EYS: variants seen among roughly 807,000 people sequenced by gnomAD.
EYS encodes the protein EGF-like photoreceptor maintenance factor.
EYS carries 250 observed loss-of-function variants against 282.1 expected under a neutral mutation model. The observed-to-expected ratio is 0.89, with a 90% CI of 0.80 to 0.98. The LOEUF (loss-of-function observed/expected upper bound fraction) is 0.98, where lower values mean the gene tolerates loss of function less well. EYS is among the 50% of genes least tolerant of loss of function. EYS has a pLI of 0.00. For missense variants in EYS, 4,016 were observed against 3,709.0 expected (o/e 1.08, Z -2.15); for synonymous variants, 1,355 against 1,282.9 (o/e 1.06, Z -1.20).
At chr6:63,974,541 T>G (rs896653566) in intron 35 of EYS, among the ~76,000 whole-genome samples, 7 of 151,998 alleles carry the variant, frequency 4.6e-5, no homozygotes, top group Admixed American at 4.6e-4. Context: ...GAGTTCTCCA[T>G]GTATTATTAC....
Position 64,487,809 on chromosome 6 carries a change from G to C in EYS, c.5645-48457C>G, listed in dbSNP as rs116200582. ...TAATTTATATCAATACCTATTATTT[G>C]AGTATTTACTATGTGTTAGTGCTAG... On this transcript the variant is annotated intron_variant, in intron 26 of 42. Coordinates refer to ENST00000503581, the MANE Select transcript of EYS (RefSeq NM_001142800.2). Among the ~76,000 whole-genome samples the C allele has an allele frequency of 8.7e-3, 1,308 of 150,982 alleles. 7 individuals are homozygous for C. Among genetic ancestry groups the C allele is most frequent in the Non-Finnish European group, 0.015 (982 of 67,248 alleles).
chr6:64,894,849 C>T (rs778598442), intron 18 of EYS, among the ~76,000 whole-genome samples: 1 of 152,174 alleles, frequency 6.6e-6, no homozygotes, highest in Admixed American at 6.6e-5. Flanking sequence ...TCAGGTGAGG[C>T]CACAAATACA....
At chr6:64,702,595 A>G (rs1770830267) in intron 22 of EYS, among the ~76,000 whole-genome samples, 2 of 152,150 alleles carry the variant, frequency 1.3e-5, no homozygotes, top group Admixed American at 6.5e-5. Flanking sequence ...TCTGTTAATA[A>G]GTTCTCCTGT....
chr6:63,748,687 ATTCAGGTTCT>A (rs1178626435), intron 41 of EYS, among the ~76,000 whole-genome samples: 1 of 151,734 alleles, frequency 6.6e-6, no homozygotes, highest in Non-Finnish European at 1.5e-5. Flanking sequence ...CTTTTCAGGG[ATTCAGGTTCT>A]TTCTGGTTCA....
chr6:65,159,233 T>G (rs1041737158), intron 12 of EYS, among the ~76,000 whole-genome samples: 5 of 150,898 alleles, frequency 3.3e-5, no homozygotes, highest in African/African-American at 4.8e-5. Flanking sequence ...TATAGATAGC[T>G]TGTATAGCCA....
chr6:63,778,247 A>G, intron 39 of EYS, 67 bp from the exon 40 acceptor site: 2 of 1,448,248 alleles, frequency 1.4e-6, no homozygotes, highest in Non-Finnish European at 9.5e-7. Flanking sequence ...GAAGAAGGTT[A>G]TTTTTCATTT....
intron 26 of EYS, among the ~76,000 whole-genome samples, chr6:64,452,183 C>T (rs1775375964): frequency 6.6e-6 from 1 of 152,048 alleles, no homozygotes; most frequent in Non-Finnish European, 1.5e-5. Context: ...AATCAATGTG[C>T]AAAAATCACA....
chr6:64,776,230 G>A (rs1163269705), intron 22 of EYS, among the ~76,000 whole-genome samples: 1 of 151,992 alleles, frequency 6.6e-6, no homozygotes, highest in Admixed American at 6.6e-5. Flanking sequence ...TGAGGAGATC[G>A]AGCAAACCTG....
intron 22 of EYS, among the ~76,000 whole-genome samples, chr6:64,764,476 A>G (rs1407428963): frequency 6.6e-6 from 1 of 152,194 alleles, no homozygotes; most frequent in Non-Finnish European, 1.5e-5. Flanking sequence ...GCACAGGGCA[A>G]TGGGGCCCTG....
chr6:63,978,483 G>A (rs1766945319), intron 35 of EYS, among the ~76,000 whole-genome samples: 2 of 151,994 alleles, frequency 1.3e-5, no homozygotes. Context: ...ATTTGAAAAT[G>A]TCATTAGTCT....
intron 21 of EYS, among the ~76,000 whole-genome samples, chr6:64,816,689 C>T (rs186917359): frequency 1.8e-4 from 27 of 152,016 alleles, no homozygotes; most frequent in Admixed American, 1.2e-3. Flanking sequence ...AGAACAAATA[C>T]GTAGGAAAAT....
intron 8 of EYS, among the ~76,000 whole-genome samples, chr6:65,363,392 C>T (rs9445528): frequency 0.67 from 102,244 of 151,594 alleles, 34,549 homozygotes; most frequent in South Asian, 0.71. Context: ...AAATATATAG[C>T]TTTAGGTTCA....
intron 22 of EYS, among the ~76,000 whole-genome samples, chr6:64,746,441 A>G (rs928872923): frequency 6.6e-6 from 1 of 152,058 alleles, no homozygotes; most frequent in African/African-American, 2.4e-5. Context: ...CAGAACCATG[A>G]GCCAATACAT....
intron 22 of EYS, among the ~76,000 whole-genome samples, chr6:64,724,109 G>T (rs1771677266): frequency 6.6e-6 from 1 of 151,946 alleles, no homozygotes; most frequent in African/African-American, 2.4e-5. Context: ...CAAGGAAACT[G>T]CTATAGTGAG....
At chr6:64,354,138 G>A (rs1363322875) in intron 29 of EYS, among the ~76,000 whole-genome samples, 1 of 151,530 alleles carries the variant, frequency 6.6e-6, no homozygotes, top group Admixed American at 6.6e-5. Context: ...AAACAAAAAG[G>A]TAACACGATA....
chr6:63,982,879 G>A (rs183517190), intron 35 of EYS, among the ~76,000 whole-genome samples: 57 of 151,906 alleles, frequency 3.8e-4, no homozygotes, highest in Admixed American at 2.2e-3. Context: ...ATTTACTTAG[G>A]TTGAATAACA....
intron 12 of EYS, among the ~76,000 whole-genome samples, chr6:65,259,558 T>C (rs1314784909): frequency 2.6e-5 from 4 of 152,122 alleles, no homozygotes; most frequent in African/African-American, 4.8e-5. Flanking sequence ...AATTACAACA[T>C]TAAATAGATG....
chr6:63,724,412 CTTAT>C (rs147668990), intron 42 of EYS, among the ~76,000 whole-genome samples: 5,816 of 152,076 alleles, frequency 0.038, 377 homozygotes, highest in African/African-American at 0.13. Context: ...GTAATTTAAA[CTTAT>C]TTATATATTT....
chr6:64,767,619 TC>T (rs749904330), intron 22 of EYS, among the ~76,000 whole-genome samples: 131 of 152,308 alleles, frequency 8.6e-4, no homozygotes, highest in Non-Finnish European at 1.5e-3. Flanking sequence ...AAAATTTCAT[TC>T]TTTTGTATGG....
Sources: allele counts gnomAD v4.1 joint callset (sites outside exome capture counted in the v4.1 genomes callset), GRCh38; gene constraint gnomAD v4.1.1; transcripts MANE v1.5; gene names NCBI Gene and HGNC (gene_info 2026-07-23, HGNC 2026-07-21).